CTNNA1: variants seen among roughly 807,000 people sequenced by gnomAD.
CTNNA1 encodes catenin alpha-1.
CTNNA1 carries 37 observed loss-of-function variants against 98.4 expected under a neutral mutation model. That is an observed-to-expected ratio of 0.38 (90% confidence interval 0.29 to 0.49). The LOEUF (loss-of-function observed/expected upper bound fraction) is 0.49. Ranked by LOEUF, CTNNA1 falls within the 20% of genes least tolerant of loss-of-function variation. The pLI, the probability that CTNNA1 is intolerant of heterozygous loss-of-function variation, is 0.95. For synonymous variants in CTNNA1, 404 were observed against 413.2 expected, an observed-to-expected ratio of 0.98 and a Z score of 0.27; for missense variants, 761 against 1,147.2, an observed-to-expected ratio of 0.66 and a Z score of 4.86.
intron 4 of CTNNA1, among the ~76,000 whole-genome samples, chr5:138,810,650 T>G (rs976278636): frequency 6.6e-6 from 1 of 152,224 alleles, no homozygotes; most frequent in Non-Finnish European, 1.5e-5. Context: ...GAAGAATTTT[T>G]CTTAGTACAG....
In CTNNA1 at chr5:138,799,254, G is replaced by A. The variant is rs61378427; in HGVS notation, c.302-10784G>A. Among the ~76,000 whole-genome samples the A allele has an allele frequency of 3.3e-3, 495 of 152,140 alleles. 4 individuals are homozygous for A. The highest frequency in any genetic ancestry group is 0.011 in the African/African-American group (448 of 41,470). ...CGGTTCACTGCAACCTCTGCCTTCC[G>A]GGTTCAGGCAATTCTCCTGCCTCTG... On this transcript the variant is annotated intron_variant, in intron 3 of 17. Transcript: ENST00000302763.
intron 1 of CTNNA1, among the ~76,000 whole-genome samples, chr5:138,761,225 G>C (rs1752325807): frequency 6.6e-6 from 1 of 152,134 alleles, no homozygotes; most frequent in Non-Finnish European, 1.5e-5. Flanking sequence ...TTGTGGAGGT[G>C]ATCACACAAC....
At position 138,810,098 on chromosome 5, in the gene CTNNA1, G is replaced by C. The variant is rs749878552; in HGVS notation, c.362G>C (p.Arg121Pro). ...GATGATCCCTGCTCTTCTGTGAAGC[G>C]AGGCAACATGGTTCGGGCAGCTCGA... The part of the protein sequence containing the change: ...FADDPCSSVK[R>P]GNMVRAARAL... Residue 121 changes from arginine (R) to proline (P), a missense_variant, in exon 4 of 18, where the codon CGA becomes CCA. This residue lies in a region of CTNNA1 where 328 missense variants were observed against 354.3 expected (regional missense o/e 0.93). Transcript: ENST00000302763. 1 of 1,614,158 alleles carries C rather than the reference G, an allele frequency of 6.2e-7. No individual in the cohort carries two copies. The highest frequency in any genetic ancestry group is 8.5e-7 in the Non-Finnish European group (1 of 1,180,006).
At chr5:138,911,804 G>T (rs964514222) in intron 10 of CTNNA1, among the ~76,000 whole-genome samples, 7 of 152,170 alleles carry the variant, frequency 4.6e-5, no homozygotes, top group African/African-American at 1.4e-4. Flanking sequence ...ACTAATCCAG[G>T]CAAGAGTACA....
At chr5:138,889,174 A>G (rs1754789717) in intron 9 of CTNNA1, among the ~76,000 whole-genome samples, 1 of 152,188 alleles carries the variant, frequency 6.6e-6, no homozygotes, top group Non-Finnish European at 1.5e-5. Flanking sequence ...TCCGCATGGT[A>G]GGAAGCAAGG....
intron 10 of CTNNA1, among the ~76,000 whole-genome samples, chr5:138,914,226 C>T (rs1233949293): frequency 6.6e-6 from 1 of 152,200 alleles, no homozygotes; most frequent in Non-Finnish European, 1.5e-5. Flanking sequence ...GATTAATTCC[C>T]TGCCCATGTT....
rs760486358 is a variant in CTNNA1 at position 138,929,311 on chromosome 5, C to T, written c.1965C>T (p.Ser655=). The T allele has an allele frequency of 5.0e-5, 80 of 1,611,732 alleles. No homozygotes were observed. Among genetic ancestry groups the T allele is most frequent in the South Asian group, 3.4e-4 (31 of 91,044 alleles). ...ATTTTGATGTCAGAAGCAGGACGAG[C>T]GTCCAGACAGAAGACGATCAGCTGA... ...TEDFDVRSRT[S]VQTEDDQLIA... The change falls in exon 14 of 18, where the codon AGC becomes AGT. Residue 655 remains serine, a synonymous_variant. Transcript: ENST00000302763.
chr5:138,901,613 G>C lies in CTNNA1; in HGVS notation c.1297-2736G>C, dbSNP rs532727763. Among the ~76,000 whole-genome samples, 86 of 152,268 alleles carry C rather than the reference G, an allele frequency of 5.6e-4. 2 individuals carry two copies. Among genetic ancestry groups the C allele is most frequent in the African/African-American group, 2.1e-3 (86 of 41,542 alleles). ...CCAATGAAAAATTTTTTAATGTATA[G>C]AGATGGGGTCTTGCTATGTAGCCCA... On this transcript the variant is annotated intron_variant, in intron 9 of 17. Transcript: ENST00000302763.
chr5:138,870,422 A>G (rs962771403), intron 7 of CTNNA1: 1 of 152,236 alleles, frequency 6.6e-6, no homozygotes, highest in Non-Finnish European at 1.5e-5. Flanking sequence ...ACCCAGAAAA[A>G]TGGAAGGCAA....
At chr5:138,798,714 C>T (rs1757229778) in intron 3 of CTNNA1, among the ~76,000 whole-genome samples, 1 of 152,068 alleles carries the variant, frequency 6.6e-6, no homozygotes, top group African/African-American at 2.4e-5. Context: ...TTATTTTATT[C>T]CCAGCTCAGG....
intron 11 of CTNNA1, among the ~76,000 whole-genome samples, chr5:138,920,246 C>A (rs1266193088): frequency 6.6e-6 from 1 of 152,156 alleles, no homozygotes; most frequent in African/African-American, 2.4e-5. Context: ...TCCCAAAGTG[C>A]TAGGATTACA....
intron 7 of CTNNA1, among the ~76,000 whole-genome samples, chr5:138,845,262 ACAT>A (rs1762607058): frequency 6.6e-6 from 1 of 152,350 alleles, no homozygotes; most frequent in East Asian, 1.9e-4. Flanking sequence ...AGACAGTGAC[ACAT>A]TAAGGACTAA....
chr5:138,896,012 G>A lies in CTNNA1; in HGVS notation c.1297-8337G>A, dbSNP rs80127453. The stretch of plus-strand genomic sequence containing the variant: ...TTTCACATAAAGTTGCTTCAAATAT[G>A]TGAATAGTTCCTGAGTAGTATTAGG... On this transcript the variant is annotated intron_variant, in intron 9 of 17. Transcript: ENST00000302763. Among the ~76,000 whole-genome samples the A allele has an allele frequency of 2.6e-5, 4 of 152,304 alleles. No individual in the cohort carries two copies. In the East Asian group the frequency reaches 7.7e-4, roughly 29 times the overall value.
chr5:138,870,371 C>G (rs537754065), intron 7 of CTNNA1: 2 of 152,162 alleles, frequency 1.3e-5, no homozygotes, highest in Admixed American at 1.3e-4. Flanking sequence ...AGGAAAATAC[C>G]TTTTTGGTAC....
intron 10 of CTNNA1, among the ~76,000 whole-genome samples, chr5:138,908,688 A>G (rs1759840394): frequency 6.6e-6 from 1 of 152,028 alleles, no homozygotes; most frequent in Non-Finnish European, 1.5e-5. Context: ...TATAACATCA[A>G]GTTGAGGAAG....
chr5:138,932,817 G>C lies in CTNNA1; in HGVS notation c.2433+105G>C, dbSNP rs570561949. ...ATAAACACCTGCCCTGGGAAAGTGT[G>C]CTGTGCAGAAACTCCAAGTCCTGTC... is the stretch of plus-strand genomic sequence containing the variant. On this transcript the variant is annotated intron_variant, in intron 17 of 17. Coordinates refer to ENST00000302763, the MANE Select transcript of CTNNA1 (RefSeq NM_001903.5). The C allele has an allele frequency of 7.8e-5, 110 of 1,413,706 alleles. No homozygotes were observed. The East Asian group carries it at 2.0e-3, about 25-fold the overall frequency. 87.6% of individuals were successfully genotyped at this position (1,413,706 alleles called of 1,614,324 possible). A position where few individuals can be genotyped will look rare whatever the true frequency, so the allele number is the denominator to read the frequency against.
intron 10 of CTNNA1, among the ~76,000 whole-genome samples, chr5:138,912,154 C>A (rs562585762): frequency 1.3e-4 from 20 of 152,204 alleles, no homozygotes; most frequent in African/African-American, 4.3e-4. Context: ...GGGTCCCTAA[C>A]ATTGAGAGTT....
At chr5:138,770,983 A>G (rs576544304) in intron 1 of CTNNA1, among the ~76,000 whole-genome samples, 1 of 151,856 alleles carries the variant, frequency 6.6e-6, no homozygotes, top group East Asian at 1.9e-4. Context: ...ACAAACGAAC[A>G]AAAAACAGAA....
chr5:138,805,428 G>A (rs28745572), intron 3 of CTNNA1, among the ~76,000 whole-genome samples: 1,838 of 152,148 alleles, frequency 0.012, 41 homozygotes, highest in African/African-American at 0.037. Context: ...GCTATTATCT[G>A]CCTTTTTTAT....
Sources: allele counts gnomAD v4.1 joint callset (sites outside exome capture counted in the v4.1 genomes callset), GRCh38; gene constraint gnomAD v4.1.1; regional missense constraint gnomAD v4.1.1; transcripts MANE v1.5; gene names NCBI Gene and HGNC (gene_info 2026-07-23, HGNC 2026-07-21).